The following CRACDL variants were observed in gnomAD, a reference collection of about 807,000 sequenced individuals.
CRACDL encodes CRACD like.
In CRACDL, 26 loss-of-function variants were observed where a neutral mutation model predicts 70.6. The ratio of observed to expected loss-of-function variants is 0.37; its 90% CI spans 0.27 to 0.51. The LOEUF is 0.51. Among genes scored for constraint, CRACDL ranks in the 20% least tolerant of loss-of-function variants. CRACDL has a pLI of 0.94. For missense variants in CRACDL, 1,283 were observed against 1,376.9 expected (o/e 0.93, Z 1.08); for synonymous variants, 618 against 615.2 (o/e 1.00, Z -0.07).
chr2:98,909,708 G>A (rs951049089), intron 1 of CRACDL, among the ~76,000 whole-genome samples: 1 of 152,130 alleles, frequency 6.6e-6, no homozygotes, highest in African/African-American at 2.4e-5. Context: ...GGCACCAAAC[G>A]CTCCATCTGT....
intron 1 of CRACDL, among the ~76,000 whole-genome samples, chr2:98,924,438 G>C (rs1036923190): frequency 2.6e-5 from 4 of 152,222 alleles, no homozygotes; most frequent in African/African-American, 9.6e-5. Flanking sequence ...GGTAATACAT[G>C]AGGCTATAAT....
intron 1 of CRACDL, among the ~76,000 whole-genome samples, chr2:98,872,623 G>A (rs1035976466): frequency 3.3e-5 from 5 of 152,178 alleles, no homozygotes; most frequent in Non-Finnish European, 5.9e-5. Flanking sequence ...AAATAAAAGT[G>A]AGAATGTATC....
intron 1 of CRACDL, among the ~76,000 whole-genome samples, chr2:98,874,551 A>G (rs1420644057): frequency 1.3e-5 from 2 of 152,202 alleles, no homozygotes; most frequent in African/African-American, 4.8e-5. Flanking sequence ...GGAGGCAAAG[A>G]ATAGTCATTG....
At chr2:98,923,599 T>C (rs1399653595) in intron 1 of CRACDL, among the ~76,000 whole-genome samples, 2 of 152,248 alleles carry the variant, frequency 1.3e-5, no homozygotes, top group Non-Finnish European at 2.9e-5. Flanking sequence ...CTGATGTACA[T>C]GCACTATCTA....
chr2:98,797,302 G>A, intron 8 of CRACDL, 48 bp downstream of exon 8: 1 of 1,577,508 alleles, frequency 6.3e-7, no homozygotes, highest in South Asian at 1.1e-5. Context: ...AGTCCCAGCT[G>A]GCTGCTCCCT....
At chr2:98,866,030 C>T (rs981623876) in intron 1 of CRACDL, among the ~76,000 whole-genome samples, 12 of 152,066 alleles carry the variant, frequency 7.9e-5, no homozygotes, top group African/African-American at 2.9e-4. Context: ...TGTGCAAAAC[C>T]TTCTCTGTCC....
intron 1 of CRACDL, among the ~76,000 whole-genome samples, chr2:98,876,854 G>A (rs1396889975): frequency 6.6e-6 from 1 of 152,238 alleles, no homozygotes; most frequent in East Asian, 1.9e-4. Context: ...AGCACCGACA[G>A]CATGTGTTAG....
chr2:98,902,141 G>C (rs1443286209), intron 1 of CRACDL, among the ~76,000 whole-genome samples: 1 of 152,222 alleles, frequency 6.6e-6, no homozygotes, highest in African/African-American at 2.4e-5. Flanking sequence ...CTTGGAAACA[G>C]CTCGCAAATG....
chr2:98,817,636 G>T (rs1201384577), intron 7 of CRACDL, among the ~76,000 whole-genome samples: 1 of 152,206 alleles, frequency 6.6e-6, no homozygotes, highest in Non-Finnish European at 1.5e-5. Flanking sequence ...CTGAGGGTCA[G>T]TCCCCTGTGC....
At chr2:98,926,620 A>G (rs2104701655) in intron 1 of CRACDL, among the ~76,000 whole-genome samples, 1 of 152,334 alleles carries the variant, frequency 6.6e-6, no homozygotes, top group East Asian at 1.9e-4. Context: ...CTCGCTGAAC[A>G]CCGAAAATAC....
intron 1 of CRACDL, among the ~76,000 whole-genome samples, chr2:98,918,533 G>A (rs1012291419): frequency 1.3e-5 from 1 of 75,240 alleles, no homozygotes; most frequent in Non-Finnish European, 2.2e-5. Flanking sequence ...GCAAGATGTT[G>A]TCTACCAAAA....
At chr2:98,887,248 G>A (rs1276905231) in intron 1 of CRACDL, among the ~76,000 whole-genome samples, 2 of 152,224 alleles carry the variant, frequency 1.3e-5, no homozygotes, top group Non-Finnish European at 2.9e-5. Context: ...AGCAGTTTGG[G>A]AAGCTGAGGC....
chr2:98,927,970 C>G (rs1708974679), intron 1 of CRACDL, among the ~76,000 whole-genome samples: 2 of 152,070 alleles, frequency 1.3e-5, no homozygotes. Flanking sequence ...CACTTGAGGT[C>G]AGGAGTTCAA....
At chr2:98,858,512 C>CAAAAAAAA (rs370742460) in intron 1 of CRACDL, among the ~76,000 whole-genome samples, 1 of 56,270 alleles carries the variant, frequency 1.8e-5, no homozygotes, top group Non-Finnish European at 4.1e-5. Context: ...GAGACTCTGT[C>CAAAAAAAA]AAAAAAAAAA....
intron 1 of CRACDL, among the ~76,000 whole-genome samples, chr2:98,907,270 C>G (rs1376574906): frequency 6.6e-6 from 1 of 152,028 alleles, no homozygotes; most frequent in African/African-American, 2.4e-5. Flanking sequence ...GCAGCCTAGG[C>G]GACAACAGTG....
intron 1 of CRACDL, among the ~76,000 whole-genome samples, chr2:98,861,314 T>C (rs1706926366): frequency 6.6e-6 from 1 of 152,134 alleles, no homozygotes. Context: ...GCCACTGCAC[T>C]CCAGCGTGGG....
intron 1 of CRACDL, among the ~76,000 whole-genome samples, chr2:98,921,590 T>C (rs529521549): frequency 6.6e-6 from 1 of 152,320 alleles, no homozygotes; most frequent in South Asian, 2.1e-4. Context: ...TCCCCTACAT[T>C]TGAGAAATCC....
chr2:98,897,086 C>T (rs1011130572), intron 1 of CRACDL, among the ~76,000 whole-genome samples: 3 of 152,104 alleles, frequency 2.0e-5, no homozygotes, highest in African/African-American at 4.8e-5. Flanking sequence ...CACCCCACCC[C>T]TAAAATCCTC....
intron 1 of CRACDL, among the ~76,000 whole-genome samples, chr2:98,930,626 T>A (rs1709050819): frequency 6.6e-6 from 1 of 151,478 alleles, no homozygotes; most frequent in Non-Finnish European, 1.5e-5. Context: ...CCTACCCCTC[T>A]TCCGTCCCCT....
Sources: gnomAD v4.1 joint callset for allele counts (sites outside exome capture counted in the v4.1 genomes callset) on GRCh38, gnomAD v4.1.1 for gene constraint, MANE v1.5 for transcripts, NCBI Gene and HGNC (gene_info 2026-07-23, HGNC 2026-07-21) for gene names.